ZNF250: variants seen among roughly 807,000 people sequenced by gnomAD.
The protein encoded by ZNF250 is zinc finger protein (clone 647).
ZNF250 carries 13 observed loss-of-function variants against 37.1 expected under a neutral mutation model. The ratio of observed to expected loss-of-function variants is 0.35; its 90% confidence interval spans 0.23 to 0.56. ZNF250 has a LOEUF of 0.56. Among genes scored for constraint, ZNF250 ranks in the 20% least tolerant of loss-of-function variants. ZNF250 has a pLI of 0.87. For synonymous variants in ZNF250, 251 were observed against 265.6 expected, an observed-to-expected ratio of 0.94 and a Z score of 0.54; for missense variants, 474 against 697.9, an observed-to-expected ratio of 0.68 and a Z score of 3.61.
chr8:144,886,767 A>ACAT, intron 5 of ZNF250, 73 bp downstream of exon 5: 1 of 1,413,524 alleles, frequency 7.1e-7, no homozygotes, highest in Non-Finnish European at 1.0e-6. Flanking sequence ...AGTCGCCTCT[A>ACAT]CATTCTTGTA....
Position 144,890,353 on chromosome 8 carries a change from C to A in ZNF250, c.-4G>T. ...GCAGGAGTCTGGCTGCTGCCATCACCTGGTCTCCTGGGGACTCCGAGGATC... is the reference window on the plus strand; with the variant it reads ...GCAGGAGTCTGGCTGCTGCCATCACATGGTCTCCTGGGGACTCCGAGGATC... On this transcript the variant is annotated 5_prime_UTR_variant, in exon 2 of 6. The change creates a new upstream start codon in the 5' untranslated region. Transcript: ENST00000417550. This position sits in a 1 kb window ranked among gnomAD's most constrained non-coding sequence, Gnocchi z 5.1. 6.7e-7 allele frequency: 1 copy of A among 1,499,862 alleles called. No individual in the cohort carries two copies. Among genetic ancestry groups the A allele is most frequent in the Admixed American group, 2.3e-5 (1 of 43,032 alleles). 92.9% of individuals were successfully genotyped at this position (1,499,862 alleles called of 1,614,324 possible). A position where few individuals can be genotyped will look rare whatever the true frequency, so the allele number is the denominator to read the frequency against.
chr8:144,881,252 G>T lies in ZNF250; in HGVS notation c.*263C>A. Reference sequence around the variant, plus strand: ...AAATAAACTAATGTTAAAGAATTATGGCTGTTTTTTACCAAAATTCTCTAC... The same window carrying T: ...AAATAAACTAATGTTAAAGAATTATTGCTGTTTTTTACCAAAATTCTCTAC... On this transcript the variant is annotated 3_prime_UTR_variant, in exon 6 of 6. Coordinates refer to ENST00000417550, the MANE Select transcript of ZNF250 (RefSeq NM_001109689.4). 1 of 367,430 alleles carries T rather than the reference G, an allele frequency of 2.7e-6. No homozygotes were observed. The highest frequency in any genetic ancestry group is 4.8e-6 in the Non-Finnish European group (1 of 207,390). 22.8% of individuals were successfully genotyped at this position (367,430 alleles called of 1,614,324 possible). A position where few individuals can be genotyped will look rare whatever the true frequency, so the allele number is the denominator to read the frequency against.
upstream of ZNF250, chr8:144,901,781 G>C (rs891915744): frequency 6.6e-6 from 1 of 152,604 alleles, no homozygotes; most frequent in Non-Finnish European, 1.5e-5. The surrounding 1 kb of genome is among the most constrained non-coding windows in gnomAD (Gnocchi z 5.4). Context: ...AGCTCCTGCC[G>C]CCGTCGCCCT....
intron 4 of ZNF250, among the ~76,000 whole-genome samples, chr8:144,887,267 A>G (rs1464160695): frequency 6.6e-6 from 1 of 151,346 alleles, no homozygotes; most frequent in Non-Finnish European, 1.5e-5. Flanking sequence ...AAAAAAAAAA[A>G]AAAAAAAAAA....
intron 5 of ZNF250, among the ~76,000 whole-genome samples, chr8:144,885,627 C>T (rs564009650): frequency 6.6e-6 from 1 of 152,254 alleles, no homozygotes; most frequent in South Asian, 2.1e-4. Context: ...TCATGTCTGG[C>T]TAATTTTTAA....
Position 144,890,220 on chromosome 8 carries a change from T to C in ZNF250, c.42+88A>G. 6.7e-7 allele frequency: 1 copy of C among 1,499,546 alleles called. No homozygotes were observed. The allele number at this position is 1,499,546 out of a possible 1,614,324, so 92.9% of individuals were successfully genotyped here. On this transcript the variant is annotated intron_variant, in intron 2 of 5. Coordinates refer to ENST00000417550, the MANE Select transcript of ZNF250 (RefSeq NM_001109689.4). This position sits in a 1 kb window ranked among gnomAD's most constrained non-coding sequence, Gnocchi z 5.1. The stretch of plus-strand genomic sequence containing the variant: ...CGGAGTTCAGGGCATGTGGTGACGC[T>C]CTGGCTGCTCTTAGGAGCTCTACGG...
At chr8:144,892,358 G>A (rs1485568015) in intron 1 of ZNF250, among the ~76,000 whole-genome samples, 1 of 152,206 alleles carries the variant, frequency 6.6e-6, no homozygotes, top group African/African-American at 2.4e-5. Context: ...TGCCTTGCCA[G>A]GAATCAGAGC....
In ZNF250 at chr8:144,881,762, A is replaced by C. The variant is rs1831485131; in HGVS notation, c.1421T>G (p.Phe474Cys). 6.2e-7 allele frequency: 1 copy of C among 1,613,908 alleles called. No homozygotes were observed. The highest frequency in any genetic ancestry group is 8.5e-7 in the Non-Finnish European group (1 of 1,179,968). ...GGCTTTGCCACATTCTGTGCACTGG[A>C]AGGGCTTTTCACCTGTGTGGATTCT... ...HERIHTGEKPFQCTECGKAFS... is the reference protein window; with the variant it reads ...HERIHTGEKPCQCTECGKAFS... The change falls in exon 6 of 6, where the codon TTC (phenylalanine) becomes TGC (cysteine). Residue 474 changes from phenylalanine (F) to cysteine (C), a missense_variant. Physicochemically the swap from Phe to Cys is radical, Grantham distance 205. Transcript: ENST00000417550.
rs376399460 is a variant in ZNF250, at chr8:144,890,690, C to T, written c.-54-287G>A. On this transcript the variant is annotated intron_variant, in intron 1 of 5. Coordinates refer to ENST00000417550, the MANE Select transcript of ZNF250 (RefSeq NM_001109689.4). This position sits in a 1 kb window ranked among gnomAD's most constrained non-coding sequence, Gnocchi z 5.1. ...CAAGGCACTTGCTGCACCCTGGTCC[C>T]GGCCCATGGTCCTGCCATACACAAG... is the stretch of plus-strand genomic sequence containing the variant. Among the ~76,000 whole-genome samples the T allele has an allele frequency of 2.0e-5, 3 of 152,236 alleles. No individual in the cohort carries two copies. The highest frequency in any genetic ancestry group is 3.9e-4 in the East Asian group (2 of 5,170).
At chr8:144,883,507 T>A (rs1831650667) in intron 5 of ZNF250, among the ~76,000 whole-genome samples, 1 of 151,962 alleles carries the variant, frequency 6.6e-6, no homozygotes, top group African/African-American at 2.4e-5. Flanking sequence ...GCCTGGCTAA[T>A]TTTTGTATTT....
chr8:144,885,866 G>A (rs1414367546), intron 5 of ZNF250, among the ~76,000 whole-genome samples: 2 of 152,148 alleles, frequency 1.3e-5, no homozygotes, highest in Non-Finnish European at 2.9e-5. Flanking sequence ...AGCACTTCGG[G>A]AGGGCAAGGT....
rs1395484495 is a variant in ZNF250, at chr8:144,880,878, CA to C, written c.*636del. 6.2e-6 allele frequency: 1 copy of C among 161,984 alleles called. No homozygotes were observed. The highest frequency in any genetic ancestry group is 1.7e-4 in the East Asian group (1 of 5,882). 10.0% of individuals were successfully genotyped at this position (161,984 alleles called of 1,614,324 possible). A position where few individuals can be genotyped will look rare whatever the true frequency, so the allele number is the denominator to read the frequency against. ...GCAAGACTATCTCCACACACACATA[CA>C]AAAAGTTTTTTAAATTTATGTAATT... is the stretch of plus-strand genomic sequence containing the variant. On this transcript the variant is annotated 3_prime_UTR_variant, in exon 6 of 6. Transcript: ENST00000417550.
chr8:144,884,765 A>G (rs1831749223), intron 5 of ZNF250, among the ~76,000 whole-genome samples: 1 of 152,112 alleles, frequency 6.6e-6, no homozygotes, highest in Non-Finnish European at 1.5e-5. Context: ...TCATTGGATA[A>G]TGCCAAACTT....
In ZNF250 at chr8:144,891,571, G is replaced by A. The variant is rs941654239; in HGVS notation, c.-54-1168C>T. ...TCTCTACTAAAAATACAAAAATCAG[G>A]CCGGGTGCAGTGGCTTATGCCTGTA... On this transcript the variant is annotated intron_variant, in intron 1 of 5. Transcript: ENST00000417550. This position sits in a 1 kb window ranked among gnomAD's most constrained non-coding sequence, Gnocchi z 4.0. 6.6e-6 allele frequency among the ~76,000 whole-genome samples: 1 copy of A among 151,930 alleles called. No homozygotes were observed. The highest frequency in any genetic ancestry group is 2.4e-5 in the African/African-American group (1 of 41,342).
rs1447137848 is a variant in ZNF250, at chr8:144,897,570, G to C, written c.-55+3829C>G. 2.0e-5 allele frequency among the ~76,000 whole-genome samples: 3 copies of C among 152,162 alleles called. No individual in the cohort carries two copies. Among genetic ancestry groups the C allele is most frequent in the Admixed American group, 1.3e-4 (2 of 15,282 alleles). ...TGGATCACCTGAGGTCAGGTGCTGA[G>C]ACCAGCTCGGTCGGGGAGACCCTAA... On this transcript the variant is annotated intron_variant, in intron 1 of 5. Transcript: ENST00000417550. This position sits in a 1 kb window ranked among gnomAD's most constrained non-coding sequence, Gnocchi z 5.2.
chr8:144,892,446 G>C (rs552395835), intron 1 of ZNF250, among the ~76,000 whole-genome samples: 1 of 152,270 alleles, frequency 6.6e-6, no homozygotes, highest in East Asian at 1.9e-4. Context: ...ACAGGTATGT[G>C]GGAAATTGGA....
In ZNF250 at chr8:144,879,085, A is replaced by G. The variant is rs1831293748; in HGVS notation, c.*2430T>C. 6.6e-6 allele frequency: 1 copy of G among 152,230 alleles called. No individual in the cohort carries two copies. Among genetic ancestry groups the G allele is most frequent in the South Asian group, 2.1e-4 (1 of 4,836 alleles). The allele number at this position is 152,230 out of a possible 1,614,324, so 9.4% of individuals were successfully genotyped here. On this transcript the variant is annotated 3_prime_UTR_variant, in exon 6 of 6. Transcript: ENST00000417550. Reference sequence around the variant, plus strand: ...CTTGTCTTCTCTGAACTAACACCTTAGTTATTTTATCTATCTGAAACAACA... The same window carrying G: ...CTTGTCTTCTCTGAACTAACACCTTGGTTATTTTATCTATCTGAAACAACA...
Position 144,881,362 on chromosome 8 carries a change from C to CA in ZNF250, c.*152dup. On this transcript the variant is annotated 3_prime_UTR_variant, in exon 6 of 6. Transcript: ENST00000417550. ...CTCTGAAGTTTTTCCACAGGAACAG[C>CA]ACGCTAAGTGCTTCTTTCTGGAGTT... 1 of 1,174,484 alleles carries CA rather than the reference C, an allele frequency of 8.5e-7. No homozygotes were observed. Among genetic ancestry groups the CA allele is most frequent in the Non-Finnish European group, 1.1e-6 (1 of 871,114 alleles). The allele number at this position is 1,174,484 out of a possible 1,614,324, so 72.8% of individuals were successfully genotyped here.
Position 144,879,762 on chromosome 8 carries a change from C to T in ZNF250, c.*1753G>A, listed in dbSNP as rs2735958. 0.023 allele frequency: 3,452 copies of T among 152,334 alleles called. 189 individuals are homozygous for T. Among genetic ancestry groups the T allele is most frequent in the East Asian group, 0.21 (1,073 of 5,186 alleles). 9.4% of individuals were successfully genotyped at this position (152,334 alleles called of 1,614,324 possible). On this transcript the variant is annotated 3_prime_UTR_variant, in exon 6 of 6. Coordinates refer to ENST00000417550, the MANE Select transcript of ZNF250 (RefSeq NM_001109689.4). ...GCTGCTACTAGAAATGGTTCTGATT[C>T]GGTTTCAAGAACTGTATCCTTGGCC...
Sources: allele counts gnomAD v4.1 joint callset (sites outside exome capture counted in the v4.1 genomes callset), GRCh38; gene constraint gnomAD v4.1.1; non-coding constraint Gnocchi (gnomAD v3.1); transcripts MANE v1.5; gene names NCBI Gene and HGNC (gene_info 2026-07-23, HGNC 2026-07-21).